The following HSBP1 variants were observed in gnomAD, a reference collection of about 807,000 sequenced individuals.
HSBP1 encodes heat shock factor binding protein 1.
Under a neutral mutation model 9.6 loss-of-function variants are expected in HSBP1, and 5 were observed. The ratio of observed to expected loss-of-function variants is 0.52; its 90% CI spans 0.27 to 1.09. The LOEUF is 1.09. HSBP1 is among the 50% of genes least tolerant of loss of function. The pLI, the probability that HSBP1 is intolerant of heterozygous loss-of-function variation, is 0.11. For synonymous variants in HSBP1, 42 were observed against 33.3 expected (o/e 1.26, Z -0.90); for missense variants, 121 against 96.3 (o/e 1.26, Z -1.07).
In HSBP1 at chr16:83,813,388, T is replaced by G. The variant is rs1904645858; in HGVS notation, c.*1970T>G. 6.6e-6 allele frequency: 1 copy of G among 152,636 alleles called. No homozygotes were observed. The highest frequency in any genetic ancestry group is 6.5e-5 in the Admixed American group (1 of 15,290). The allele number at this position is 152,636 out of a possible 1,614,324, so 9.5% of individuals were successfully genotyped here. A position where few individuals can be genotyped will look rare whatever the true frequency, so the allele number is the denominator to read the frequency against. On this transcript the variant is annotated 3_prime_UTR_variant, in exon 4 of 4. Transcript: ENST00000433866. ...GCTAGTTTTCGAGGTCTCGCTCTGT[T>G]GCCCAGGCTGGAGTGCAGTGGCACA...
chr16:83,809,342 G>T lies in HSBP1; in HGVS notation c.150G>T (p.Lys50Asn), dbSNP rs1399943476. ...DMSSRIDDLEKNIADLMTQAG... is the reference protein window; with the variant it reads ...DMSSRIDDLENNIADLMTQAG... ...GTAGTCGCATTGATGATCTGGAAAA[G>T]AATATCGCGGACCTCATGACACAGG... Residue 50 changes from lysine (K) to asparagine (N), a missense_variant, in exon 3 of 4, where the codon AAG (lysine) becomes AAT (asparagine). By Grantham distance (94) the Lys-to-Asn change is moderately conservative. Transcript: ENST00000433866. 2 of 1,600,734 alleles carry T rather than the reference G, an allele frequency of 1.2e-6. No homozygotes were observed. Among genetic ancestry groups the T allele is most frequent in the Admixed American group, 1.7e-5 (1 of 58,624 alleles).
chr16:83,810,835 A>C (rs560850296), intron 3 of HSBP1, among the ~76,000 whole-genome samples: 1 of 152,314 alleles, frequency 6.6e-6, no homozygotes, highest in Non-Finnish European at 1.5e-5. Flanking sequence ...ATGGTTCCTG[A>C]GTATTTTTAG....
rs928774302 is a variant in HSBP1 at position 83,811,428 on chromosome 16, A to C, written c.*10A>C. The C allele has an allele frequency of 6.6e-6, 1 of 152,236 alleles. No individual in the cohort carries two copies. Among genetic ancestry groups the C allele is most frequent in the African/African-American group, 2.4e-5 (1 of 41,460 alleles). 9.4% of individuals were successfully genotyped at this position (152,236 alleles called of 1,614,324 possible). ...TTTTTCCTTCTTCAACAGGTTGCTAATAATTTATACTGGAATCTGGCATTT... is the reference window on the plus strand; with the variant it reads ...TTTTTCCTTCTTCAACAGGTTGCTACTAATTTATACTGGAATCTGGCATTT... On this transcript the variant is annotated 3_prime_UTR_variant, in exon 4 of 4. Transcript: ENST00000433866.
chr16:83,808,226 C>T (rs975530682), intron 1 of HSBP1, 105 bp downstream of exon 1: 3 of 966,870 alleles, frequency 3.1e-6, no homozygotes, highest in Non-Finnish European at 4.5e-6. Flanking sequence ...GTGGCGTCTG[C>T]CGAGGCCCCG....
At chr16:83,809,661 G>T (rs1170517683) in intron 3 of HSBP1, among the ~76,000 whole-genome samples, 1 of 151,790 alleles carries the variant, frequency 6.6e-6, no homozygotes, top group South Asian at 2.1e-4. Context: ...TAGAGACGGG[G>T]TTTCTCCATG....
intron 1 of HSBP1, 172 bp from the exon 2 acceptor site, chr16:83,808,508 T>C (rs1474466881): frequency 6.7e-6 from 4 of 600,288 alleles, no homozygotes; most frequent in Non-Finnish European, 8.9e-6. Context: ...AGCAGTCTAA[T>C]TGGACAGGTT....
At chr16:83,810,967 C>G (rs1707348091) in intron 3 of HSBP1, among the ~76,000 whole-genome samples, 1 of 152,178 alleles carries the variant, frequency 6.6e-6, no homozygotes, top group African/African-American at 2.4e-5. Context: ...AAGACAGACT[C>G]TAAAATTTGC....
At chr16:83,808,443 C>G (rs1359157050) in intron 1 of HSBP1, 3 of 568,944 alleles carry the variant, frequency 5.3e-6, no homozygotes, top group Non-Finnish European at 9.3e-6. Context: ...TGCCCCAGCC[C>G]GGCAGAAACA....
chr16:83,808,805 G>A, intron 2 of HSBP1, 59 bp downstream of exon 2: 1 of 1,271,356 alleles, frequency 7.9e-7, no homozygotes, highest in Non-Finnish European at 1.1e-6. Flanking sequence ...TTGCCGGGCA[G>A]TGGTGGGGAT....
At chr16:83,810,978 T>G (rs1904587740) in intron 3 of HSBP1, among the ~76,000 whole-genome samples, 1 of 152,244 alleles carries the variant, frequency 6.6e-6, no homozygotes, top group Non-Finnish European at 1.5e-5. Context: ...TAAAATTTGC[T>G]TTTATCTTCA....
chr16:83,818,246 G>C lies in HSBP1; in HGVS notation c.*6828G>C, dbSNP rs767212851. On this transcript the variant is annotated 3_prime_UTR_variant, in exon 4 of 4. Transcript: ENST00000433866. The stretch of plus-strand genomic sequence containing the variant: ...AGATGCGAGGAAGATTCTTTTCCTG[G>C]GCCACTCTCATTTTCTCAAACTTGG... 6.6e-6 allele frequency: 1 copy of C among 152,052 alleles called. No homozygotes were observed. The highest frequency in any genetic ancestry group is 2.1e-4 in the South Asian group (1 of 4,814). The allele number at this position is 152,052 out of a possible 1,614,324, so 9.4% of individuals were successfully genotyped here.
chr16:83,808,022 A>G lies in HSBP1; in HGVS notation c.-55A>G, dbSNP rs1904498907. On this transcript the variant is annotated 5_prime_UTR_variant, in exon 1 of 4. Coordinates refer to ENST00000433866, the MANE Select transcript of HSBP1 (RefSeq NM_001537.4). ...GCGGCCCGGGGCGACTGAGCGGACA[A>G]ACGGAAGTGTAGGTTACGGTCTGAG... 6 of 1,463,752 alleles carry G rather than the reference A, an allele frequency of 4.1e-6. No homozygotes were observed. Among genetic ancestry groups the G allele is most frequent in the Middle Eastern group, 1.9e-4 (1 of 5,372 alleles). 90.7% of individuals were successfully genotyped at this position (1,463,752 alleles called of 1,614,324 possible). A position where few individuals can be genotyped will look rare whatever the true frequency, so the allele number is the denominator to read the frequency against.
At chr16:83,809,269 TGA>T (rs1396895565) in intron 2 of HSBP1, 34 bp from the exon 3 acceptor site, 3 of 1,270,578 alleles carry the variant, frequency 2.4e-6, no homozygotes, top group Non-Finnish European at 3.4e-6. Context: ...AAAGGCTCAA[TGA>T]GATGTTGGCA....
chr16:83,809,336 G>C lies in HSBP1; in HGVS notation c.144G>C (p.Leu48=), dbSNP rs748996625. The change falls in exon 3 of 4, where the codon CTG becomes CTC. Residue 48 remains leucine, a synonymous_variant. Transcript: ENST00000433866. The part of the protein sequence containing the change: ...IDDMSSRIDD[L]EKNIADLMTQ... ...ATATGAGTAGTCGCATTGATGATCT[G>C]GAAAAGAATATCGCGGACCTCATGA... The C allele has an allele frequency of 1.2e-6, 2 of 1,601,460 alleles. No individual in the cohort carries two copies. The highest frequency in any genetic ancestry group is 1.7e-6 in the Non-Finnish European group (2 of 1,173,710).
rs556738393 is a variant in HSBP1 at position 83,814,318 on chromosome 16, T to C, written c.*2900T>C. 6.6e-6 allele frequency: 1 copy of C among 152,304 alleles called. No individual in the cohort carries two copies. Among genetic ancestry groups the C allele is most frequent in the Non-Finnish European group, 1.5e-5 (1 of 68,046 alleles). 9.4% of individuals were successfully genotyped at this position (152,304 alleles called of 1,614,324 possible). Reference sequence around the variant, plus strand: ...TTTGGCTTAATCCTCACAACAACACTGAGAGGTTTTCATTTGATGAGTCAT... The same window carrying C: ...TTTGGCTTAATCCTCACAACAACACCGAGAGGTTTTCATTTGATGAGTCAT... On this transcript the variant is annotated 3_prime_UTR_variant, in exon 4 of 4. Transcript: ENST00000433866.
rs1227791787 is a variant in HSBP1, at chr16:83,818,151, T to C, written c.*6733T>C. On this transcript the variant is annotated 3_prime_UTR_variant, in exon 4 of 4. Transcript: ENST00000433866. ...GTGAGCCCTCATCCCCAGGGCTCGG[T>C]TTCCTATCAGAATCCTTGTCTGGAA... 6.6e-6 allele frequency: 1 copy of C among 152,162 alleles called. No individual in the cohort carries two copies. The allele number at this position is 152,162 out of a possible 1,614,324, so 9.4% of individuals were successfully genotyped here.
rs1904753021 is a variant in HSBP1 at position 83,817,695 on chromosome 16, C to T, written c.*6277C>T. 6.6e-6 allele frequency: 1 copy of T among 152,154 alleles called. No homozygotes were observed. The highest frequency in any genetic ancestry group is 1.5e-5 in the Non-Finnish European group (1 of 68,036). The allele number at this position is 152,154 out of a possible 1,614,324, so 9.4% of individuals were successfully genotyped here. ...TTAAATATCTTAAAGGTCTTTTATG[C>T]AGAATATGCAGTTAATTTTGATGGG... On this transcript the variant is annotated 3_prime_UTR_variant, in exon 4 of 4. Coordinates refer to ENST00000433866, the MANE Select transcript of HSBP1 (RefSeq NM_001537.4).
In HSBP1 at chr16:83,808,068, A is replaced by G; in HGVS notation, c.-9A>G. On this transcript the variant is annotated 5_prime_UTR_variant, in exon 1 of 4. Transcript: ENST00000433866. ...CTGAGACATCACCGCCAAGCTGGGC[A>G]TCGGGGAGATGGCCGAGACTGACCC... 1 of 1,543,812 alleles carries G rather than the reference A, an allele frequency of 6.5e-7. No homozygotes were observed.
intron 3 of HSBP1, among the ~76,000 whole-genome samples, chr16:83,809,755 G>A (rs1240245897): frequency 6.6e-6 from 1 of 151,852 alleles, no homozygotes; most frequent in Non-Finnish European, 1.5e-5. Flanking sequence ...GGTGTGAGCC[G>A]CCGTGCCCGG....
Sources: allele counts gnomAD v4.1 joint callset (sites outside exome capture counted in the v4.1 genomes callset), GRCh38; gene constraint gnomAD v4.1.1; transcripts MANE v1.5; gene names NCBI Gene and HGNC (gene_info 2026-07-23, HGNC 2026-07-21).